CREB5: variants seen among roughly 807,000 people sequenced by gnomAD.
CREB5 encodes the protein cAMP responsive element binding protein 5.
A neutral mutation model predicts 57.1 loss-of-function variants in CREB5; 19 were observed. The observed-to-expected ratio is 0.33, with a 90% CI of 0.23 to 0.49. The LOEUF is 0.49. Among genes scored for constraint, CREB5 ranks in the 20% least tolerant of loss-of-function variants. CREB5 has a pLI of 0.99. For synonymous variants in CREB5, 238 were observed against 238.3 expected, an observed-to-expected ratio of 1.00 and a Z score of 0.01; for missense variants, 579 against 671.6, an observed-to-expected ratio of 0.86 and a Z score of 1.52.
chr7:28,330,267 G>T (rs1785689037), intron 1 of CREB5, among the ~76,000 whole-genome samples: 1 of 152,136 alleles, frequency 6.6e-6, no homozygotes, highest in Non-Finnish European at 1.5e-5. Context: ...CAAATTTATA[G>T]ATCCTTTGAT....
At chr7:28,384,981 T>G (rs1318122904) in intron 1 of CREB5, among the ~76,000 whole-genome samples, 1 of 152,184 alleles carries the variant, frequency 6.6e-6, no homozygotes, top group African/African-American at 2.4e-5. Flanking sequence ...AATCAGTGTT[T>G]ATATAATTAG....
intron 5 of CREB5, among the ~76,000 whole-genome samples, chr7:28,613,480 G>A (rs1440257716): frequency 2.0e-5 from 3 of 151,850 alleles, no homozygotes; most frequent in Non-Finnish European, 4.4e-5. Flanking sequence ...AAATCATCAA[G>A]TGATTACACC....
intron 5 of CREB5, among the ~76,000 whole-genome samples, chr7:28,589,001 G>A (rs902227719): frequency 3.3e-5 from 5 of 152,098 alleles, no homozygotes; most frequent in Non-Finnish European, 7.3e-5. Flanking sequence ...GTCAGAAAAC[G>A]AGCAGCTTAG....
intron 1 of CREB5, among the ~76,000 whole-genome samples, chr7:28,448,239 C>T (rs1359961607): frequency 1.3e-5 from 2 of 152,234 alleles, no homozygotes; most frequent in Admixed American, 1.3e-4. Flanking sequence ...CAGACTGGCT[C>T]TCCTTGCTCA....
At chr7:28,322,947 A>T (rs1785518631) in intron 1 of CREB5, among the ~76,000 whole-genome samples, 1 of 152,064 alleles carries the variant, frequency 6.6e-6, no homozygotes. Context: ...TCCTAAGACC[A>T]TATTCTTAGT....
chr7:28,700,765 G>T (rs541507250), intron 5 of CREB5, among the ~76,000 whole-genome samples: 5 of 151,944 alleles, frequency 3.3e-5, no homozygotes, highest in African/African-American at 1.2e-4. Context: ...ATTTCCTTTC[G>T]ATAAAAATAG....
At chr7:28,560,866 C>CGTGCGCGCGCGTGCGTGTG (rs1562797336) in intron 4 of CREB5, among the ~76,000 whole-genome samples, 1 of 50,264 alleles carries the variant, frequency 2.0e-5, no homozygotes, top group Non-Finnish European at 4.3e-5. Context: ...GTGCGTGTGC[C>CGTGCGCGCGCGTGCGTGTG]TGCGTGCGCG....
At chr7:28,531,876 A>C (rs534471541) in intron 4 of CREB5, among the ~76,000 whole-genome samples, 65 of 152,052 alleles carry the variant, frequency 4.3e-4, no homozygotes, top group African/African-American at 1.6e-3. Flanking sequence ...TAAAATACAA[A>C]AAATTAGCCG....
chr7:28,519,325 A>G (rs1793107774), intron 4 of CREB5, among the ~76,000 whole-genome samples: 1 of 152,174 alleles, frequency 6.6e-6, no homozygotes, highest in African/African-American at 2.4e-5. Flanking sequence ...GGGAATTCAG[A>G]CTTTGGGAAC....
intron 5 of CREB5, among the ~76,000 whole-genome samples, chr7:28,606,560 T>C (rs1051900666): frequency 3.9e-5 from 6 of 152,182 alleles, no homozygotes; most frequent in African/African-American, 1.4e-4. Flanking sequence ...TGCCTCTCAG[T>C]TATAAAAGGC....
chr7:28,315,791 A>G (rs1480669291), intron 1 of CREB5, among the ~76,000 whole-genome samples: 2 of 152,036 alleles, frequency 1.3e-5, no homozygotes, highest in Non-Finnish European at 2.9e-5. Flanking sequence ...ACCCAGCTAT[A>G]TATCTTCCAA....
intron 1 of CREB5, among the ~76,000 whole-genome samples, chr7:28,314,780 C>T (rs919549753): frequency 1.3e-5 from 2 of 152,150 alleles, no homozygotes; most frequent in African/African-American, 4.8e-5. Flanking sequence ...AGTTCTTCCC[C>T]AACTGGATCA....
intron 2 of CREB5, 53 bp downstream of exon 2, chr7:28,488,299 G>T: frequency 6.5e-7 from 1 of 1,547,048 alleles, no homozygotes; most frequent in Non-Finnish European, 8.9e-7. Context: ...TTTCCGAAAG[G>T]GAAGCAACTC....
At chr7:28,386,562 A>G (rs767702950) in intron 1 of CREB5, among the ~76,000 whole-genome samples, 5 of 152,132 alleles carry the variant, frequency 3.3e-5, no homozygotes, top group Non-Finnish European at 7.4e-5. Flanking sequence ...GAAAAGTATT[A>G]TCTTTCATCT....
At chr7:28,388,750 A>C (rs989355660) in intron 1 of CREB5, among the ~76,000 whole-genome samples, 1 of 152,216 alleles carries the variant, frequency 6.6e-6, no homozygotes, top group African/African-American at 2.4e-5. Flanking sequence ...TCAATCACGC[A>C]TAATGCCTCA....
In CREB5 at chr7:28,480,035, C is replaced by G. The variant is rs895805453; in HGVS notation, c.4-8140C>G. 1.6e-3 allele frequency among the ~76,000 whole-genome samples: 228 copies of G among 144,318 alleles called. 3 individuals carry two copies. Among genetic ancestry groups the G allele is most frequent in the African/African-American group, 3.1e-3 (121 of 39,100 alleles). 94.7% of individuals were successfully genotyped at this position (144,318 alleles called of 152,430 possible). ...TAAAAATCCAAAACCTCCCCCCCCC[C>G]ACATTATCCAATAAAAATCATCTGC... On this transcript the variant is annotated intron_variant, in intron 1 of 10. Coordinates refer to ENST00000357727, the MANE Select transcript of CREB5 (RefSeq NM_182898.4).
chr7:28,528,961 G>T (rs1231369243), intron 4 of CREB5, among the ~76,000 whole-genome samples: 1 of 151,920 alleles, frequency 6.6e-6, no homozygotes, highest in African/African-American at 2.4e-5. Flanking sequence ...TCATGAGAGG[G>T]TAGAACATCA....
At chr7:28,341,549 T>C (rs530645679) in intron 1 of CREB5, among the ~76,000 whole-genome samples, 16 of 152,342 alleles carry the variant, frequency 1.1e-4, no homozygotes, top group African/African-American at 3.8e-4. Context: ...TCATCATCCA[T>C]ATACTACCTC....
intron 5 of CREB5, among the ~76,000 whole-genome samples, chr7:28,574,239 T>C (rs1192202729): frequency 1.3e-5 from 2 of 152,154 alleles, no homozygotes; most frequent in Non-Finnish European, 2.9e-5. Flanking sequence ...TAAATAGAGA[T>C]AAAATCGATC....
Sources: gnomAD v4.1 joint callset for allele counts (sites outside exome capture counted in the v4.1 genomes callset) on GRCh38, gnomAD v4.1.1 for gene constraint, MANE v1.5 for transcripts, NCBI Gene and HGNC (gene_info 2026-07-23, HGNC 2026-07-21) for gene names.